Variants in ARHGAP24 observed in about 807,000 individuals in gnomAD.
ARHGAP24 encodes the protein Rho GTPase activating protein 24, also known as rho GTPase-activating protein 24.
Under a neutral mutation model 76.4 loss-of-function variants are expected in ARHGAP24, and 50 were observed. The ratio of observed to expected loss-of-function variants is 0.65; its 90% confidence interval spans 0.52 to 0.83. The LOEUF is 0.83. ARHGAP24 is among the 40% of genes least tolerant of loss of function. The pLI is 0.00. For missense variants in ARHGAP24, 930 were observed against 914.2 expected (o/e 1.02, Z -0.22); for synonymous variants, 345 against 323.3 (o/e 1.07, Z -0.72).
At chr4:85,526,321 C>A (rs549915822) in intron 1 of ARHGAP24, among the ~76,000 whole-genome samples, 91 of 151,540 alleles carry the variant, frequency 6.0e-4, no homozygotes, top group South Asian at 3.8e-3. Context: ...GATGGCTTGA[C>A]CCCAGGAGGT....
At position 85,818,339 on chromosome 4, in the gene ARHGAP24, G is replaced by A. The variant is rs557683033; in HGVS notation, c.268+96367G>A. ...CAACTCCTCAGAGGCCTGTCCACCC[G>A]CACCACAGAAAATACTTAAAATCGT... On this transcript the variant is annotated intron_variant, in intron 3 of 9. Coordinates refer to ENST00000395184, the MANE Select transcript of ARHGAP24 (RefSeq NM_001025616.3). 7.9e-4 allele frequency among the ~76,000 whole-genome samples: 120 copies of A among 152,170 alleles called. 1 individual carries two copies. The Middle Eastern group carries it at 0.017, about 22-fold the overall frequency.
intron 5 of ARHGAP24, among the ~76,000 whole-genome samples, chr4:85,965,456 G>A (rs1185698292): frequency 1.3e-5 from 2 of 152,104 alleles, no homozygotes; most frequent in African/African-American, 2.4e-5. Flanking sequence ...CCCCACCAAC[G>A]TTCTTTCCAC....
At chr4:85,639,111 C>A (rs905815943) in intron 2 of ARHGAP24, among the ~76,000 whole-genome samples, 4 of 151,934 alleles carry the variant, frequency 2.6e-5, no homozygotes, top group Non-Finnish European at 5.9e-5. Flanking sequence ...TTTCTTATTC[C>A]CCAAATTGTC....
intron 2 of ARHGAP24, among the ~76,000 whole-genome samples, chr4:85,580,168 G>T (rs2624017): frequency 0.016 from 2,412 of 151,868 alleles, 54 homozygotes; most frequent in African/African-American, 0.055. Flanking sequence ...GAGAGAGAGA[G>T]AGAGAGAGAC....
chr4:85,896,117 T>G (rs568037062), intron 3 of ARHGAP24, among the ~76,000 whole-genome samples: 2 of 152,216 alleles, frequency 1.3e-5, no homozygotes, highest in African/African-American at 4.8e-5. Flanking sequence ...TACCAAGTAT[T>G]GCTAAACAAA....
intron 2 of ARHGAP24, among the ~76,000 whole-genome samples, chr4:85,603,155 T>G (rs1419810316): frequency 6.6e-6 from 1 of 152,188 alleles, no homozygotes; most frequent in Non-Finnish European, 1.5e-5. Flanking sequence ...AAGGTTAGAT[T>G]TTTACATAAT....
At chr4:85,612,791 C>T (rs1057186817) in intron 2 of ARHGAP24, among the ~76,000 whole-genome samples, 3 of 82,328 alleles carry the variant, frequency 3.6e-5, no homozygotes, top group African/African-American at 1.4e-4. Context: ...CCTTTCCATT[C>T]CTTTTTTTTT....
intron 5 of ARHGAP24, among the ~76,000 whole-genome samples, chr4:85,947,305 T>G (rs1012784115): frequency 6.6e-6 from 1 of 152,336 alleles, no homozygotes; most frequent in African/African-American, 2.4e-5. Context: ...CCTTGATAGT[T>G]TCTTTTGCTG....
intron 2 of ARHGAP24, among the ~76,000 whole-genome samples, chr4:85,688,170 A>G (rs1723500464): frequency 6.6e-6 from 1 of 152,152 alleles, no homozygotes; most frequent in Non-Finnish European, 1.5e-5. Flanking sequence ...CAGTAGTTGA[A>G]GTAATTTACA....
chr4:85,684,186 A>G lies in ARHGAP24; in HGVS notation c.181-37699A>G, dbSNP rs149530102. ...TCAAGAAAGCTAAAAACTGTTTTCTATAATGGCTTCCATTTTACATTTCCA... is the reference window on the plus strand; with the variant it reads ...TCAAGAAAGCTAAAAACTGTTTTCTGTAATGGCTTCCATTTTACATTTCCA... On this transcript the variant is annotated intron_variant, in intron 2 of 9. Transcript: ENST00000395184. 3.2e-3 allele frequency among the ~76,000 whole-genome samples: 482 copies of G among 152,338 alleles called. 3 individuals are homozygous for G. Among genetic ancestry groups the G allele is most frequent in the African/African-American group, 0.011 (462 of 41,574 alleles).
At chr4:85,842,092 G>A (rs534961554) in intron 3 of ARHGAP24, among the ~76,000 whole-genome samples, 1 of 152,100 alleles carries the variant, frequency 6.6e-6, no homozygotes, top group Non-Finnish European at 1.5e-5. Context: ...GATATAAAAG[G>A]GGATAAATAT....
chr4:85,923,710 A>G lies in ARHGAP24; in HGVS notation c.331A>G (p.Asn111Asp), dbSNP rs1230155790. 21 of 1,613,998 alleles carry G rather than the reference A, an allele frequency of 1.3e-5. No homozygotes were observed. The highest frequency in any genetic ancestry group is 1.8e-5 in the Non-Finnish European group (21 of 1,179,946). ...CTACCTCCTCATGGCAAGCACCCAG[A>G]ATGATATGGAAGACTGGGTGAAGTC... ...ESYLLMASTQ[N>D]DMEDWVKSIR... The change falls in exon 4 of 10, where the codon AAT becomes GAT. Residue 111 changes from asparagine (N) to aspartate (D), a missense_variant. Transcript: ENST00000395184.
chr4:85,536,322 G>C (rs1030664550), intron 1 of ARHGAP24, among the ~76,000 whole-genome samples: 1 of 152,092 alleles, frequency 6.6e-6, no homozygotes, highest in African/African-American at 2.4e-5. Context: ...AACCACTTCT[G>C]TGAGAAAGGT....
chr4:85,816,455 T>C (rs2110118506), intron 3 of ARHGAP24, among the ~76,000 whole-genome samples: 1 of 152,190 alleles, frequency 6.6e-6, no homozygotes, highest in Non-Finnish European at 1.5e-5. Context: ...TCATTCATGT[T>C]TTCACAAATG....
chr4:85,959,002 T>G (rs1320788314), intron 5 of ARHGAP24, among the ~76,000 whole-genome samples: 1 of 152,176 alleles, frequency 6.6e-6, no homozygotes, highest in Admixed American at 6.5e-5. Flanking sequence ...TTCTTGGATC[T>G]CCTGCAAGAA....
At chr4:85,912,360 C>A (rs1443451280) in intron 3 of ARHGAP24, among the ~76,000 whole-genome samples, 1 of 152,044 alleles carries the variant, frequency 6.6e-6, no homozygotes, top group Non-Finnish European at 1.5e-5. Context: ...CTGGAGCTCA[C>A]AAAATCCAGA....
At position 85,682,368 on chromosome 4, in the gene ARHGAP24, T is replaced by G. The variant is rs142495546; in HGVS notation, c.181-39517T>G. Among the ~76,000 whole-genome samples the G allele has an allele frequency of 1.5e-4, 23 of 152,360 alleles. No homozygotes were observed. In the East Asian group the frequency reaches 4.2e-3, roughly 28 times the overall value. ...TTAAAGTATCTTATTTGAATGAGAATAGCCAGTGGTTTGTGTTGTTTCAGA... is the reference window on the plus strand; with the variant it reads ...TTAAAGTATCTTATTTGAATGAGAAGAGCCAGTGGTTTGTGTTGTTTCAGA... On this transcript the variant is annotated intron_variant, in intron 2 of 9. Coordinates refer to ENST00000395184, the MANE Select transcript of ARHGAP24 (RefSeq NM_001025616.3).
intron 3 of ARHGAP24, among the ~76,000 whole-genome samples, chr4:85,797,203 T>C (rs913174936): frequency 2.2e-4 from 34 of 152,156 alleles, no homozygotes; most frequent in Admixed American, 7.2e-4. Context: ...AGATGAGTCT[T>C]GCTCTGTTGC....
intron 2 of ARHGAP24, among the ~76,000 whole-genome samples, chr4:85,658,879 C>T (rs1171276859): frequency 6.6e-6 from 1 of 152,068 alleles, no homozygotes; most frequent in African/African-American, 2.4e-5. Context: ...CAGCTTGGGT[C>T]AAGGTGAGAG....
Sources: gnomAD v4.1 joint callset for allele counts (sites outside exome capture counted in the v4.1 genomes callset) on GRCh38, gnomAD v4.1.1 for gene constraint, MANE v1.5 for transcripts, NCBI Gene and HGNC (gene_info 2026-07-23, HGNC 2026-07-21) for gene names.